MYH15: variants seen among roughly 807,000 people sequenced by gnomAD.
MYH15 encodes the protein myosin-15.
MYH15 carries 227 observed loss-of-function variants against 240.5 expected under a neutral mutation model. That is an observed-to-expected ratio of 0.94 (90% CI 0.85 to 1.05). MYH15 has a LOEUF of 1.05. Among genes scored for constraint, MYH15 ranks in the 50% least tolerant of loss-of-function variants. MYH15 has a pLI of 0.00. For missense variants in MYH15, 2,217 were observed against 2,247.5 expected, an observed-to-expected ratio of 0.99 and a Z score of 0.27; for synonymous variants, 785 against 796.7, an observed-to-expected ratio of 0.99 and a Z score of 0.25.
chr3:108,464,097 A>G (rs989817058), intron 15 of MYH15, among the ~76,000 whole-genome samples: 3 of 152,194 alleles, frequency 2.0e-5, no homozygotes, highest in Non-Finnish European at 4.4e-5. Flanking sequence ...GTATTATTTT[A>G]TCTTTTATCA....
intron 40 of MYH15, among the ~76,000 whole-genome samples, chr3:108,382,951 C>T (rs1384803182): frequency 6.6e-6 from 1 of 152,174 alleles, no homozygotes; most frequent in Non-Finnish European, 1.5e-5. Flanking sequence ...CCAAGACTAC[C>T]TGACCCTACC....
At chr3:108,410,482 C>T (rs932846384) in intron 31 of MYH15, 101 bp downstream of exon 31, 5 of 758,010 alleles carry the variant, frequency 6.6e-6, no homozygotes, top group Non-Finnish European at 1.0e-5. Flanking sequence ...AAAGTTAAAA[C>T]ATGTTGGGAA....
At chr3:108,506,062 A>G (rs2083473325) in intron 1 of MYH15, among the ~76,000 whole-genome samples, 1 of 152,136 alleles carries the variant, frequency 6.6e-6, no homozygotes, top group Non-Finnish European at 1.5e-5. Context: ...TGGGGGCACC[A>G]TAGACCATTT....
the MYH15 span, among the ~76,000 whole-genome samples, chr3:108,535,256 G>A: frequency 6.6e-6 from 1 of 152,146 alleles, no homozygotes; most frequent in Admixed American, 6.5e-5. Context: ...CATGAACTGG[G>A]TGGCTCACAA....
chr3:108,419,784 T>A (rs1400367241), intron 28 of MYH15, among the ~76,000 whole-genome samples: 1 of 152,216 alleles, frequency 6.6e-6, no homozygotes, highest in African/African-American at 2.4e-5. Flanking sequence ...AATAGAGGTG[T>A]CTACTGGAGG....
chr3:108,410,954 A>C lies in MYH15; in HGVS notation c.4146-22T>G, dbSNP rs1255533838. 2.6e-6 allele frequency: 4 copies of C among 1,558,270 alleles called. No homozygotes were observed. The East Asian group carries it at 9.1e-5, about 35-fold the overall frequency. On this transcript the variant is annotated intron_variant, in intron 30 of 40. Coordinates refer to ENST00000693548, the MANE Select transcript of MYH15 (RefSeq NM_014981.3). ...CTTCCTGAGAAAGGAGGACACCCAAAGAGTGAGTGAGGCAATAACTCTCAG... is the reference window on the plus strand; with the variant it reads ...CTTCCTGAGAAAGGAGGACACCCAACGAGTGAGTGAGGCAATAACTCTCAG...
chr3:108,481,733 G>A (rs1220922732), intron 11 of MYH15, among the ~76,000 whole-genome samples: 2 of 152,154 alleles, frequency 1.3e-5, no homozygotes, highest in East Asian at 3.8e-4. Context: ...CGCTACTAAC[G>A]GTAGGGATTA....
chr3:108,444,376 G>A (rs1309493988), intron 22 of MYH15, among the ~76,000 whole-genome samples: 1 of 152,048 alleles, frequency 6.6e-6, no homozygotes, highest in Non-Finnish European at 1.5e-5. Context: ...TTAAGACCCA[G>A]AGCTTCCTGG....
intron 16 of MYH15, among the ~76,000 whole-genome samples, chr3:108,462,145 G>C (rs190596338): frequency 6.6e-6 from 1 of 152,116 alleles, no homozygotes. Context: ...AGAGGCTGTC[G>C]ATCTGTGACT....
upstream of MYH15, among the ~76,000 whole-genome samples, chr3:108,532,355 G>A (rs900313291): frequency 6.6e-6 from 1 of 152,114 alleles, no homozygotes; most frequent in Non-Finnish European, 1.5e-5. Flanking sequence ...CTGACCTCCT[G>A]AGAATAAGAA....
intron 21 of MYH15, among the ~76,000 whole-genome samples, chr3:108,452,387 T>C (rs1158844312): frequency 6.6e-6 from 1 of 151,940 alleles, no homozygotes; most frequent in Non-Finnish European, 1.5e-5. Context: ...CTGCAGAAGT[T>C]AGTAGCAACA....
Position 108,410,578 on chromosome 3 carries a change from T to A in MYH15, c.4495+5A>T, listed in dbSNP as rs757979683. On this transcript the variant is annotated splice_donor_5th_base_variant and intron_variant, in intron 31 of 40. Coordinates refer to ENST00000693548, the MANE Select transcript of MYH15 (RefSeq NM_014981.3). ...GGCTTTGGCTCTGAGCCCAGCTCGG[T>A]GTACCTTGGAGGTTCTTGTTCTCCC... The A allele has an allele frequency of 7.0e-6, 11 of 1,570,220 alleles. No individual in the cohort carries two copies. In the African/African-American group the frequency reaches 1.2e-4, roughly 17 times the overall value.
Position 108,500,270 on chromosome 3 carries a change from T to C in MYH15, c.344A>G (p.Tyr115Cys). 1 of 1,608,014 alleles carries C rather than the reference T, an allele frequency of 6.2e-7. No homozygotes were observed. The highest frequency in any genetic ancestry group is 1.1e-5 in the South Asian group (1 of 90,396). The change falls in exon 4 of 41, where the codon TAT (tyrosine) becomes TGT (cysteine). Residue 115 changes from tyrosine (Y) to cysteine (C), a missense_variant. Coordinates refer to ENST00000693548, the MANE Select transcript of MYH15 (RefSeq NM_014981.3). ...TATGGTCACACAGAAGAGACCTGAATATGTCTGAGGGAAAATCAGAAAAGA... is the reference window on the plus strand; with the variant it reads ...TATGGTCACACAGAAGAGACCTGAACATGTCTGAGGGAAAATCAGAAAAGA... ...RRYGQWMIYT[Y>C]SGLFCVTINP... is the part of the protein sequence containing the mutation.
upstream of MYH15, among the ~76,000 whole-genome samples, chr3:108,514,635 T>TG (rs1467343005): frequency 2.7e-5 from 4 of 150,098 alleles, no homozygotes; most frequent in South Asian, 2.1e-4. Flanking sequence ...CACTTTGGGG[T>TG]GGGGGGGTGG....
At position 108,495,967 on chromosome 3, in the gene MYH15, G is replaced by A. The variant is rs977651189; in HGVS notation, c.619-95C>T. Reference sequence around the variant, plus strand: ...CATCTCCAGGTCAAACCCCATTCTTGCTTTGATAACCAATGGCCAAAAGCT... The same window carrying A: ...CATCTCCAGGTCAAACCCCATTCTTACTTTGATAACCAATGGCCAAAAGCT... On this transcript the variant is annotated intron_variant, in intron 6 of 40. Coordinates refer to ENST00000693548, the MANE Select transcript of MYH15 (RefSeq NM_014981.3). 85 of 884,656 alleles carry A rather than the reference G, an allele frequency of 9.6e-5. 1 individual carries two copies. The East Asian group carries it at 2.4e-3, about 25-fold the overall frequency. The allele number at this position is 884,656 out of a possible 1,614,324, so 54.8% of individuals were successfully genotyped here. A position where few individuals can be genotyped will look rare whatever the true frequency, so the allele number is the denominator to read the frequency against.
chr3:108,455,972 T>C (rs2083016609), intron 19 of MYH15, 113 bp from the exon 20 acceptor site: 2 of 1,028,182 alleles, frequency 1.9e-6, no homozygotes, highest in South Asian at 1.5e-5. Flanking sequence ...CTGTTACTAA[T>C]ATGTTCAATT....
chr3:108,385,243 A>G (rs1278938502), intron 38 of MYH15, among the ~76,000 whole-genome samples: 2 of 152,374 alleles, frequency 1.3e-5, no homozygotes, highest in African/African-American at 4.8e-5. Context: ...ATTATTATAA[A>G]AGCCACATAT....
chr3:108,548,510 C>A, the MYH15 span, among the ~76,000 whole-genome samples: 1 of 152,224 alleles, frequency 6.6e-6, no homozygotes, highest in East Asian at 1.9e-4. Context: ...TGCTTCTGTG[C>A]TGCAATAGCA....
intron 11 of MYH15, among the ~76,000 whole-genome samples, chr3:108,478,149 AAAAAC>A (rs1278869491): frequency 6.6e-6 from 1 of 152,188 alleles, no homozygotes. Context: ...AAAATAAAGT[AAAAAC>A]AAAACACAAT....
Sources: allele counts gnomAD v4.1 joint callset (sites outside exome capture counted in the v4.1 genomes callset), GRCh38; gene constraint gnomAD v4.1.1; transcripts MANE v1.5; gene names NCBI Gene and HGNC (gene_info 2026-07-23, HGNC 2026-07-21).